Variants in FAM178B observed in about 807,000 individuals in gnomAD.
FAM178B encodes the protein protein FAM178B.
A neutral mutation model predicts 91.7 loss-of-function variants in FAM178B; 82 were observed. The observed-to-expected ratio is 0.89, with a 90% CI of 0.75 to 1.07. The LOEUF is 1.07. Among genes scored for constraint, FAM178B ranks in the 50% least tolerant of loss-of-function variants. FAM178B has a pLI of 0.00. For missense variants in FAM178B, 769 were observed against 846.7 expected (o/e 0.91, Z 1.14); for synonymous variants, 368 against 359.4 (o/e 1.02, Z -0.27).
intron 13 of FAM178B, among the ~76,000 whole-genome samples, chr2:96,899,094 G>A (rs1454417449): frequency 2.6e-5 from 4 of 152,248 alleles, no homozygotes; most frequent in Non-Finnish European, 5.9e-5. Context: ...AGGAGGCTGT[G>A]AGCAGCCCTG....
intron 14 of FAM178B, among the ~76,000 whole-genome samples, chr2:96,888,889 C>G (rs1015114094): frequency 5.9e-5 from 9 of 152,200 alleles, no homozygotes; most frequent in African/African-American, 1.7e-4. Flanking sequence ...AGCACACCCC[C>G]CCTCCCCGCC....
rs1378343614 is a variant in FAM178B at position 96,934,733 on chromosome 2, C to T, written c.1079-5413G>A. Among the ~76,000 whole-genome samples the T allele has an allele frequency of 3.3e-5, 5 of 152,302 alleles. No individual in the cohort carries two copies. In the East Asian group the frequency reaches 9.6e-4, roughly 29 times the overall value. On this transcript the variant is annotated intron_variant, in intron 8 of 16. Coordinates refer to ENST00000490605, the MANE Select transcript of FAM178B (RefSeq NM_001122646.3). ...CTGTTCCTGGTCTCTCTCTCACCGG[C>T]TCTTTTCCAGATCTGCACCCACATT... is the stretch of plus-strand genomic sequence containing the variant.
chr2:96,948,763 C>G (rs1429303673), intron 7 of FAM178B, among the ~76,000 whole-genome samples: 1 of 152,200 alleles, frequency 6.6e-6, no homozygotes, highest in Non-Finnish European at 1.5e-5. Flanking sequence ...TGAGCCTTGA[C>G]CTTGGAGGGA....
chr2:96,960,248 C>T, intron 6 of FAM178B, 40 bp downstream of exon 6: 2 of 1,548,570 alleles, frequency 1.3e-6, no homozygotes, highest in Non-Finnish European at 1.7e-6. Flanking sequence ...GGGTCCTGGA[C>T]AGGCTGCGCC....
At chr2:96,910,623 CG>C (rs149150661) in intron 12 of FAM178B, among the ~76,000 whole-genome samples, 4,102 of 152,204 alleles carry the variant, frequency 0.027, 170 homozygotes, top group African/African-American at 0.092. Flanking sequence ...GCCGTTTGTC[CG>C]GCTACCTTAC....
At chr2:96,979,616 A>G (rs1478178918) in intron 1 of FAM178B, among the ~76,000 whole-genome samples, 1 of 152,188 alleles carries the variant, frequency 6.6e-6, no homozygotes, top group Non-Finnish European at 1.5e-5. Flanking sequence ...TCGTTTTGAT[A>G]TAACAATTTA....
At chr2:96,895,245 CT>C in intron 13 of FAM178B, 1 of 518,830 alleles carries the variant, frequency 1.9e-6, no homozygotes, top group Non-Finnish European at 3.1e-6. Flanking sequence ...AATACCATTT[CT>C]TTCCTAACAG....
chr2:96,905,333 G>A (rs2081010370), intron 12 of FAM178B, among the ~76,000 whole-genome samples: 2 of 152,010 alleles, frequency 1.3e-5, no homozygotes, highest in Admixed American at 1.3e-4. Flanking sequence ...TGAAGCGGGT[G>A]GATCATTTGA....
At chr2:96,948,631 C>T (rs2081870732) in intron 7 of FAM178B, among the ~76,000 whole-genome samples, 1 of 152,212 alleles carries the variant, frequency 6.6e-6, no homozygotes, top group Non-Finnish European at 1.5e-5. Flanking sequence ...TCGTTCCTCC[C>T]CAGTACCCAG....
At chr2:96,888,890 C>T (rs368979553) in intron 14 of FAM178B, among the ~76,000 whole-genome samples, 2 of 152,336 alleles carry the variant, frequency 1.3e-5, no homozygotes, top group South Asian at 2.1e-4. Flanking sequence ...GCACACCCCC[C>T]CTCCCCGCCA....
intron 8 of FAM178B, among the ~76,000 whole-genome samples, chr2:96,940,427 C>T (rs1435252035): frequency 1.3e-5 from 2 of 152,292 alleles, no homozygotes; most frequent in South Asian, 2.1e-4. Flanking sequence ...AGAGGCAGAT[C>T]GGGTGGGGCG....
intron 3 of FAM178B, 110 bp downstream of exon 3, chr2:96,971,791 G>A: frequency 9.2e-7 from 1 of 1,090,438 alleles, no homozygotes. Flanking sequence ...AAGTGTCCGA[G>A]GAAGAGCAGC....
At chr2:96,979,210 C>A (rs960870198) in intron 1 of FAM178B, among the ~76,000 whole-genome samples, 1 of 150,550 alleles carries the variant, frequency 6.6e-6, no homozygotes, top group Non-Finnish European at 1.5e-5. Flanking sequence ...CTCCTGACCT[C>A]GTGATCTGCC....
At chr2:96,913,113 A>G (rs540906513) in intron 12 of FAM178B, among the ~76,000 whole-genome samples, 4 of 152,326 alleles carry the variant, frequency 2.6e-5, no homozygotes, top group Admixed American at 1.3e-4. Flanking sequence ...GGATGACTGC[A>G]GAAGGTTTTG....
intron 14 of FAM178B, among the ~76,000 whole-genome samples, chr2:96,881,015 A>G (rs2080369268): frequency 6.6e-6 from 1 of 151,668 alleles, no homozygotes; most frequent in Non-Finnish European, 1.5e-5. Context: ...CAGGCTGGGC[A>G]AGGTGGTTCA....
intron 10 of FAM178B, 69 bp downstream of exon 10, chr2:96,923,421 A>G: frequency 8.1e-7 from 1 of 1,228,910 alleles, no homozygotes; most frequent in Non-Finnish European, 1.2e-6. Context: ...TGCTCCTGGA[A>G]TTTAGCTGCT....
At chr2:96,880,367 G>A (rs1348862391) in intron 14 of FAM178B, among the ~76,000 whole-genome samples, 2 of 151,926 alleles carry the variant, frequency 1.3e-5, no homozygotes, top group East Asian at 1.9e-4. Flanking sequence ...CAAGGGAGTG[G>A]GGACAACCTG....
At chr2:96,897,206 C>T (rs114017260) in intron 13 of FAM178B, among the ~76,000 whole-genome samples, 1 of 152,168 alleles carries the variant, frequency 6.6e-6, no homozygotes, top group Non-Finnish European at 1.5e-5. Context: ...TATTCCCCCC[C>T]ACTCCCTGGA....
chr2:96,946,378 G>A (rs1007758786), intron 8 of FAM178B, among the ~76,000 whole-genome samples: 2 of 152,158 alleles, frequency 1.3e-5, no homozygotes, highest in Admixed American at 6.5e-5. Flanking sequence ...ACCTGGGTAC[G>A]CAACTATCTG....
Sources: allele counts gnomAD v4.1 joint callset (sites outside exome capture counted in the v4.1 genomes callset), GRCh38; gene constraint gnomAD v4.1.1; transcripts MANE v1.5; gene names NCBI Gene and HGNC (gene_info 2026-07-23, HGNC 2026-07-21).